The following NFIB variants were observed in gnomAD, a reference collection of about 807,000 sequenced individuals.
NFIB encodes nuclear factor 1 B-type.
In NFIB, 11 loss-of-function variants were observed where a neutral mutation model predicts 61.5. That is an observed-to-expected ratio of 0.18 (90% confidence interval 0.11 to 0.30). The LOEUF (loss-of-function observed/expected upper bound fraction) is 0.30. NFIB is among the 10% of genes least tolerant of loss of function. The pLI, the probability that NFIB is intolerant of heterozygous loss-of-function variation, is 1.00. For missense variants in NFIB, 471 were observed against 608.9 expected, an observed-to-expected ratio of 0.77 and a Z score of 2.38; for synonymous variants, 260 against 216.5, an observed-to-expected ratio of 1.20 and a Z score of -1.76.
chr9:14,201,829 A>G (rs1724762483), intron 2 of NFIB, among the ~76,000 whole-genome samples: 2 of 152,192 alleles, frequency 1.3e-5, no homozygotes, highest in Non-Finnish European at 2.9e-5. Context: ...ATGAGCTATC[A>G]ATTTATACAG....
upstream of NFIB, among the ~76,000 whole-genome samples, chr9:14,403,052 C>A (rs1295173544): frequency 6.6e-6 from 1 of 152,184 alleles, no homozygotes; most frequent in African/African-American, 2.4e-5. Context: ...GTCCTATTTA[C>A]AATCATTTTG....
intron 10 of NFIB, among the ~76,000 whole-genome samples, chr9:14,102,979 C>A (rs148298583): frequency 8.7e-4 from 133 of 152,338 alleles, no homozygotes; most frequent in African/African-American, 3.1e-3. Flanking sequence ...GCCCACCTTA[C>A]AAACATTCGC....
intron 2 of NFIB, among the ~76,000 whole-genome samples, chr9:14,273,096 C>T (rs938478472): frequency 1.3e-5 from 2 of 152,158 alleles, no homozygotes; most frequent in Non-Finnish European, 2.9e-5. Flanking sequence ...GAAGATCACT[C>T]ATTAACGAGC....
chr9:14,440,633 T>C, the NFIB span, among the ~76,000 whole-genome samples: 1 of 152,192 alleles, frequency 6.6e-6, no homozygotes, highest in Non-Finnish European at 1.5e-5. Flanking sequence ...GATAATCTTG[T>C]GATTCAAAAA....
At chr9:14,380,659 C>T (rs569050) in intron 1 of NFIB, among the ~76,000 whole-genome samples, 20,791 of 152,062 alleles carry the variant, frequency 0.14, 1,826 homozygotes, top group East Asian at 0.23. Context: ...TGGACACCCC[C>T]CGCCTCTATC....
intron 1 of NFIB, among the ~76,000 whole-genome samples, chr9:14,395,042 T>C (rs1054298465): frequency 6.6e-6 from 1 of 152,084 alleles, no homozygotes; most frequent in African/African-American, 2.4e-5. Context: ...GTAGGACCAG[T>C]TTTTTCTCTT....
intron 1 of NFIB, among the ~76,000 whole-genome samples, chr9:14,390,886 T>C (rs938967104): frequency 6.6e-6 from 1 of 152,190 alleles, no homozygotes; most frequent in African/African-American, 2.4e-5. Context: ...GTCTATGGTA[T>C]TCTATTACAG....
chr9:14,098,801 A>C (rs1009090320), intron 10 of NFIB, among the ~76,000 whole-genome samples: 3 of 152,258 alleles, frequency 2.0e-5, no homozygotes, highest in Non-Finnish European at 4.4e-5. Flanking sequence ...TCCTTTGCAC[A>C]TGTGTGTGCA....
At chr9:14,385,287 C>G (rs1423460634) in intron 1 of NFIB, among the ~76,000 whole-genome samples, 4 of 152,178 alleles carry the variant, frequency 2.6e-5, no homozygotes, top group African/African-American at 9.7e-5. Context: ...ACTTGGGACC[C>G]AAGCCCCACA....
At chr9:14,417,499 C>T in the NFIB span, among the ~76,000 whole-genome samples, 9 of 152,182 alleles carry the variant, frequency 5.9e-5, no homozygotes, top group Non-Finnish European at 8.8e-5. Flanking sequence ...ATAAACTGGA[C>T]ACCTACCAAG....
chr9:14,131,796 G>A (rs994722113), intron 6 of NFIB, among the ~76,000 whole-genome samples: 8 of 152,020 alleles, frequency 5.3e-5, no homozygotes, highest in Non-Finnish European at 8.8e-5. Context: ...CATCCAAGTC[G>A]CTCCCGGGAT....
At chr9:14,467,072 C>T in the NFIB span, among the ~76,000 whole-genome samples, 5 of 152,226 alleles carry the variant, frequency 3.3e-5, no homozygotes, top group Admixed American at 2.0e-4. Flanking sequence ...AGTCAGGCTT[C>T]GCTCTAATGA....
Position 14,088,225 on chromosome 9 carries a change from G to C in NFIB, c.*84C>G, listed in dbSNP as rs747690797. The C allele has an allele frequency of 5.1e-6, 8 of 1,556,852 alleles. No individual in the cohort carries two copies. Among genetic ancestry groups the C allele is most frequent in the Non-Finnish European group, 6.1e-6 (7 of 1,147,626 alleles). On this transcript the variant is annotated 3_prime_UTR_variant, in exon 11 of 11. Transcript: ENST00000380953. Reference sequence around the variant, plus strand: ...GTTGCTTGTTTCTGCTTGAAGGAAAGGTTCTCCAATTATGTTCAAACCGTA... The same window carrying C: ...GTTGCTTGTTTCTGCTTGAAGGAAACGTTCTCCAATTATGTTCAAACCGTA...
chr9:14,503,103 T>TAC, the NFIB span, among the ~76,000 whole-genome samples: 6 of 149,218 alleles, frequency 4.0e-5, no homozygotes, highest in Non-Finnish European at 8.9e-5. Context: ...TATATATATA[T>TAC]ATATGTGTGT....
At chr9:14,312,950 TC>T (rs1483967953) in intron 1 of NFIB, among the ~76,000 whole-genome samples, 3 of 152,084 alleles carry the variant, frequency 2.0e-5, no homozygotes, top group African/African-American at 4.8e-5. Flanking sequence ...AAGGAATGGG[TC>T]CCCGGACCAC....
At chr9:14,137,548 T>C (rs1291006126) in intron 6 of NFIB, among the ~76,000 whole-genome samples, 1 of 152,166 alleles carries the variant, frequency 6.6e-6, no homozygotes, top group Non-Finnish European at 1.5e-5. Flanking sequence ...ACACAAATCT[T>C]AGTATACAAC....
the NFIB span, among the ~76,000 whole-genome samples, chr9:14,518,183 G>C: frequency 1.7e-3 from 262 of 152,244 alleles, 8 homozygotes; most frequent in East Asian, 0.043. Context: ...TAAGACATTC[G>C]CAACAAGGTC....
At chr9:14,129,240 C>T (rs538003591) in intron 6 of NFIB, among the ~76,000 whole-genome samples, 3 of 151,948 alleles carry the variant, frequency 2.0e-5, no homozygotes, top group Admixed American at 6.6e-5. Context: ...AGGTGAAGAA[C>T]GGTAGTATCA....
At chr9:14,361,117 A>G (rs1346241012) in intron 1 of NFIB, among the ~76,000 whole-genome samples, 1 of 152,096 alleles carries the variant, frequency 6.6e-6, no homozygotes, top group African/African-American at 2.4e-5. Context: ...TCCACTTTCA[A>G]ATACCTTTGT....
Sources: gnomAD v4.1 joint callset for allele counts (sites outside exome capture counted in the v4.1 genomes callset) on GRCh38, gnomAD v4.1.1 for gene constraint, MANE v1.5 for transcripts, NCBI Gene and HGNC (gene_info 2026-07-23, HGNC 2026-07-21) for gene names.